SNX25: variants seen among roughly 807,000 people sequenced by gnomAD.
SNX25 encodes sorting nexin-25.
SNX25 carries 62 observed loss-of-function variants against 113.7 expected under a neutral mutation model. The ratio of observed to expected loss-of-function variants is 0.55; its 90% CI spans 0.44 to 0.67. SNX25 has a LOEUF of 0.67. Among genes scored for constraint, SNX25 ranks in the 30% least tolerant of loss-of-function variants. SNX25 has a pLI of 0.00. For missense variants in SNX25, 1,014 were observed against 1,161.0 expected (o/e 0.87, Z 1.84); for synonymous variants, 421 against 436.2 (o/e 0.97, Z 0.43).
intron 12 of SNX25, among the ~76,000 whole-genome samples, chr4:185,345,448 G>A (rs907040097): frequency 2.0e-5 from 3 of 152,102 alleles, no homozygotes; most frequent in African/African-American, 4.8e-5. Flanking sequence ...TGCGCTCTTC[G>A]TACTATGAAT....
intron 10 of SNX25, among the ~76,000 whole-genome samples, chr4:185,336,045 C>G (rs1382085389): frequency 6.6e-6 from 1 of 152,086 alleles, no homozygotes; most frequent in Non-Finnish European, 1.5e-5. Flanking sequence ...GTTACATAAC[C>G]CTATAGGCTT....
downstream of SNX25, chr4:185,370,877 A>G (rs980217576): frequency 1.2e-5 from 19 of 1,542,804 alleles, no homozygotes; most frequent in African/African-American, 2.4e-4. Flanking sequence ...TTGTAAAACG[A>G]TGCGCCTAGA....
chr4:185,293,715 T>TTAAA (rs373168042), intron 6 of SNX25, among the ~76,000 whole-genome samples: 3,045 of 152,300 alleles, frequency 0.02, 55 homozygotes, highest in South Asian at 0.05. Flanking sequence ...AAGGTGATTT[T>TTAAA]TAATTTTTTC....
intron 5 of SNX25, among the ~76,000 whole-genome samples, chr4:185,276,623 C>G (rs1457083518): frequency 6.6e-6 from 1 of 152,060 alleles, no homozygotes; most frequent in Non-Finnish European, 1.5e-5. Context: ...TGGCTTGAGC[C>G]CAGGAGTTTG....
chr4:185,318,889 C>G (rs147475043), intron 7 of SNX25, among the ~76,000 whole-genome samples: 12 of 152,136 alleles, frequency 7.9e-5, no homozygotes, highest in Non-Finnish European at 1.5e-5. Flanking sequence ...AGCTGTCTTT[C>G]CTTTTGTTCC....
intron 14 of SNX25, among the ~76,000 whole-genome samples, chr4:185,352,055 CGCCAG>C (rs1282276178): frequency 2.0e-5 from 3 of 152,094 alleles, no homozygotes; most frequent in Non-Finnish European, 4.4e-5. Context: ...GCAAGGTTCA[CGCCAG>C]GCTGAGAGTT....
intron 16 of SNX25, among the ~76,000 whole-genome samples, chr4:185,360,948 T>TAG (rs1263893147): frequency 7.2e-6 from 1 of 139,814 alleles, no homozygotes; most frequent in African/African-American, 2.7e-5. Flanking sequence ...TATATATATA[T>TAG]ATATAGAATC....
chr4:185,242,162 GA>G (rs1407306665), intron 1 of SNX25, among the ~76,000 whole-genome samples: 1 of 152,184 alleles, frequency 6.6e-6, no homozygotes, highest in Non-Finnish European at 1.5e-5. Flanking sequence ...TTTCCATGCA[GA>G]ATGTGTACAG....
chr4:185,309,160 G>A (rs1016506908), intron 6 of SNX25, among the ~76,000 whole-genome samples: 1 of 152,146 alleles, frequency 6.6e-6, no homozygotes, highest in Non-Finnish European at 1.5e-5. Flanking sequence ...AGCCAGAGCT[G>A]TGGTTCGGGG....
intron 2 of SNX25, among the ~76,000 whole-genome samples, chr4:185,255,724 TAGAA>T (rs1746313512): frequency 6.6e-6 from 1 of 152,198 alleles, no homozygotes; most frequent in African/African-American, 2.4e-5. Flanking sequence ...GTGTGCTGAG[TAGAA>T]AGAGTGATTG....
At chr4:185,330,043 CA>C (rs1172630463) in intron 9 of SNX25, among the ~76,000 whole-genome samples, 1 of 152,122 alleles carries the variant, frequency 6.6e-6, no homozygotes. Flanking sequence ...GAAAGAAGCA[CA>C]AAAAGTGGCT....
At chr4:185,368,533 C>T (rs972934038), downstream of SNX25, among the ~76,000 whole-genome samples, 3 of 152,188 alleles carry the variant, frequency 2.0e-5, no homozygotes, top group African/African-American at 7.2e-5. Flanking sequence ...GTCGGGACAC[C>T]TTGTGTCCTT....
intron 12 of SNX25, among the ~76,000 whole-genome samples, chr4:185,342,699 A>C (rs2095266298): frequency 7.0e-6 from 1 of 141,846 alleles, no homozygotes; most frequent in South Asian, 2.3e-4. Flanking sequence ...CGGTGCTTGG[A>C]GGATTCTATC....
In SNX25 at chr4:185,320,873, T is replaced by C; in HGVS notation, c.1476+9T>C. 1 of 1,575,542 alleles carries C rather than the reference T, an allele frequency of 6.3e-7. No homozygotes were observed. The highest frequency in any genetic ancestry group is 8.6e-7 in the Non-Finnish European group (1 of 1,164,790). On this transcript the variant is annotated intron_variant, in intron 8 of 18. Transcript: ENST00000652585. ...TAAAGAATGCTAACAAGGTAGTATA[T>C]GTAGGCTGAAAGGAATATTAATCAC...
rs1285783650 is a variant in SNX25 at position 185,323,748 on chromosome 4, T to TA, written c.1701dup (p.Glu568ArgfsTer15). ...AGTGACCTGTATGAGAAATTGTTGA[T>TA]AAAAGAGGAAGAAAAACATGCCTCA... On this transcript the variant is annotated frameshift_variant, in exon 9 of 19. Coordinates refer to ENST00000652585, the MANE Select transcript of SNX25 (RefSeq NM_001378034.2). LOFTEE classifies it high-confidence loss of function. 1 of 1,613,660 alleles carries TA rather than the reference T, an allele frequency of 6.2e-7. No homozygotes were observed. Among genetic ancestry groups the TA allele is most frequent in the Admixed American group, 1.7e-5 (1 of 59,978 alleles).
chr4:185,322,267 C>T (rs1032154656), intron 8 of SNX25, among the ~76,000 whole-genome samples: 2 of 152,146 alleles, frequency 1.3e-5, no homozygotes, highest in African/African-American at 4.8e-5. Context: ...CCTGTCTCTA[C>T]TAAAAATACA....
At chr4:185,319,624 C>T (rs1048806892) in intron 7 of SNX25, among the ~76,000 whole-genome samples, 1 of 151,918 alleles carries the variant, frequency 6.6e-6, no homozygotes, top group Non-Finnish European at 1.5e-5. Flanking sequence ...TTATTTCTTC[C>T]AGGCATGTCC....
At chr4:185,305,454 C>G (rs1422177210) in intron 6 of SNX25, among the ~76,000 whole-genome samples, 1 of 152,014 alleles carries the variant, frequency 6.6e-6, no homozygotes, top group Non-Finnish European at 1.5e-5. Flanking sequence ...CATTTTAATC[C>G]AGTTGTACTA....
intron 1 of SNX25, among the ~76,000 whole-genome samples, chr4:185,228,475 G>A (rs892539563): frequency 2.6e-5 from 4 of 151,984 alleles, no homozygotes; most frequent in African/African-American, 4.8e-5. Flanking sequence ...TTTGGTAAGC[G>A]GGAGACGAAA....
Sources: gnomAD v4.1 joint callset for allele counts (sites outside exome capture counted in the v4.1 genomes callset) on GRCh38, gnomAD v4.1.1 for gene constraint, MANE v1.5 for transcripts, NCBI Gene and HGNC (gene_info 2026-07-23, HGNC 2026-07-21) for gene names.